The following LRIG1 variants were observed in gnomAD, a reference collection of about 807,000 sequenced individuals.
LRIG1 encodes leucine rich repeats and immunoglobulin like domains 1.
LRIG1 carries 48 observed loss-of-function variants against 99.2 expected under a neutral mutation model. The ratio of observed to expected loss-of-function variants is 0.48; its 90% confidence interval spans 0.38 to 0.62. The LOEUF (loss-of-function observed/expected upper bound fraction) is 0.62, where lower values mean the gene tolerates loss of function less well. Ranked by LOEUF, LRIG1 falls within the 20% of genes least tolerant of loss-of-function variation. LRIG1 has a pLI of 0.00. For synonymous variants in LRIG1, 772 were observed against 596.1 expected, an observed-to-expected ratio of 1.29 and a Z score of -4.30; for missense variants, 1,646 against 1,434.4, an observed-to-expected ratio of 1.15 and a Z score of -2.38.
At chr3:66,406,101 C>A in intron 8 of LRIG1, 1 of 985,630 alleles carries the variant, frequency 1.0e-6, no homozygotes, top group Non-Finnish European at 1.2e-6. Context: ...GAACTCTTGT[C>A]TCCTGTGAGA....
intron 3 of LRIG1, among the ~76,000 whole-genome samples, chr3:66,443,033 C>T (rs571127819): frequency 6.6e-6 from 1 of 152,296 alleles, no homozygotes; most frequent in Admixed American, 6.5e-5. Flanking sequence ...ATTTGGCAGG[C>T]TGGCTGCGGA....
intron 5 of LRIG1, among the ~76,000 whole-genome samples, chr3:66,413,777 C>T (rs992362067): frequency 1.3e-5 from 2 of 152,196 alleles, no homozygotes; most frequent in African/African-American, 4.8e-5. Flanking sequence ...CTGAGACCTT[C>T]TCCACAGACT....
At position 66,451,637 on chromosome 3, in the gene LRIG1, T is replaced by C. The variant is rs1462630323; in HGVS notation, c.291-4A>G. 2 of 1,609,714 alleles carry C rather than the reference T, an allele frequency of 1.2e-6. No individual in the cohort carries two copies. Among genetic ancestry groups the C allele is most frequent in the South Asian group, 1.1e-5 (1 of 90,934 alleles). ...CAACTCATTATTATTGAGGTACCTG[T>C]AACAACAACAAGAAATTAATCATGT... On this transcript the variant is annotated splice_region_variant and splice_polypyrimidine_tract_variant and intron_variant, in intron 2 of 18. Coordinates refer to ENST00000273261, the MANE Select transcript of LRIG1 (RefSeq NM_015541.3).
chr3:66,382,125 T>C, intron 16 of LRIG1, 148 bp downstream of exon 16: 2 of 868,182 alleles, frequency 2.3e-6, no homozygotes, highest in Non-Finnish European at 3.6e-6. Flanking sequence ...GGGTCCAAAA[T>C]AGCAGCCCTT....
intron 1 of LRIG1, among the ~76,000 whole-genome samples, chr3:66,491,494 T>C (rs1323163908): frequency 6.6e-6 from 1 of 152,114 alleles, no homozygotes; most frequent in African/African-American, 2.4e-5. Flanking sequence ...TTTGAGAACA[T>C]ATAAACTAGG....
In LRIG1 at chr3:66,457,146, T is replaced by A. The variant is rs533293370; in HGVS notation, c.290+5292A>T. On this transcript the variant is annotated intron_variant, in intron 2 of 18. Coordinates refer to ENST00000273261, the MANE Select transcript of LRIG1 (RefSeq NM_015541.3). ...TGCCAGCCTGTGGCTCCATTCTCAA[T>A]GAGGGCTCCAGACTGAAGGCTCTAT... 3.9e-5 allele frequency among the ~76,000 whole-genome samples: 6 copies of A among 152,278 alleles called. No individual in the cohort carries two copies. In the South Asian group the frequency reaches 8.3e-4, roughly 21 times the overall value.
intron 17 of LRIG1, among the ~76,000 whole-genome samples, chr3:66,381,242 T>G (rs776756804): frequency 1.4e-4 from 22 of 152,208 alleles, no homozygotes; most frequent in Non-Finnish European, 2.5e-4. Flanking sequence ...TGCCCCTTAT[T>G]TAAGTTGCTT....
Position 66,379,692 on chromosome 3 carries a change from G to A in LRIG1, c.*571C>T, listed in dbSNP as rs1476883710. 6.6e-6 allele frequency: 1 copy of A among 152,270 alleles called. No individual in the cohort carries two copies. The highest frequency in any genetic ancestry group is 2.4e-5 in the African/African-American group (1 of 41,450). The allele number at this position is 152,270 out of a possible 1,614,324, so 9.4% of individuals were successfully genotyped here. On this transcript the variant is annotated 3_prime_UTR_variant, in exon 19 of 19. Transcript: ENST00000273261. ...CACCCCTGGCTCTACAGACAGGGAAGCCTGTTGCAGGGGCATCCACACATG... is the reference window on the plus strand; with the variant it reads ...CACCCCTGGCTCTACAGACAGGGAAACCTGTTGCAGGGGCATCCACACATG...
intron 3 of LRIG1, among the ~76,000 whole-genome samples, chr3:66,438,821 G>C (rs1477677840): frequency 1.3e-5 from 2 of 152,230 alleles, no homozygotes; most frequent in African/African-American, 4.8e-5. Flanking sequence ...AGGCCACCTG[G>C]TCCTCACCAC....
chr3:66,448,735 C>T (rs1454878867), intron 3 of LRIG1, among the ~76,000 whole-genome samples: 1 of 152,112 alleles, frequency 6.6e-6, no homozygotes, highest in Non-Finnish European at 1.5e-5. Flanking sequence ...CAGACATTTG[C>T]TCTATTCTCT....
At chr3:66,410,567 T>C (rs1440621521) in intron 6 of LRIG1, among the ~76,000 whole-genome samples, 1 of 152,114 alleles carries the variant, frequency 6.6e-6, no homozygotes, top group Non-Finnish European at 1.5e-5. Flanking sequence ...CAGGGCTGGG[T>C]GTGGCGGCTT....
intron 15 of LRIG1, 95 bp downstream of exon 15, chr3:66,382,887 C>T (rs570777821): frequency 1.0e-4 from 117 of 1,143,608 alleles, no homozygotes; most frequent in Non-Finnish European, 1.2e-4. Context: ...GAACACAGTG[C>T]AATTCTTTCA....
chr3:66,384,969 C>G (rs1701297709), intron 13 of LRIG1, among the ~76,000 whole-genome samples: 1 of 152,268 alleles, frequency 6.6e-6, no homozygotes, highest in South Asian at 2.1e-4. Context: ...CAAGACAACC[C>G]CACTACAGTG....
chr3:66,436,423 C>T (rs1400337196), intron 3 of LRIG1, among the ~76,000 whole-genome samples: 1 of 152,200 alleles, frequency 6.6e-6, no homozygotes, highest in African/African-American at 2.4e-5. Context: ...GAGATGATAA[C>T]AACACCTTTC....
chr3:66,492,307 A>G (rs924169104), intron 1 of LRIG1, among the ~76,000 whole-genome samples: 1 of 152,242 alleles, frequency 6.6e-6, no homozygotes, highest in East Asian at 1.9e-4. Context: ...CAAGATAAGC[A>G]GTAAAATATT....
chr3:66,460,903 A>C (rs1351130246), intron 2 of LRIG1, among the ~76,000 whole-genome samples: 3 of 152,234 alleles, frequency 2.0e-5, no homozygotes, highest in Non-Finnish European at 4.4e-5. Flanking sequence ...AGAAATTATA[A>C]ACGCCAATCT....
chr3:66,407,894 C>T (rs770214580), intron 7 of LRIG1, among the ~76,000 whole-genome samples: 6 of 152,184 alleles, frequency 3.9e-5, no homozygotes, highest in African/African-American at 9.7e-5. Flanking sequence ...GAGATGACCC[C>T]GCAGCAAGCC....
intron 1 of LRIG1, among the ~76,000 whole-genome samples, chr3:66,467,802 ATATATC>A (rs1244822118): frequency 6.6e-6 from 1 of 152,248 alleles, no homozygotes; most frequent in Non-Finnish European, 1.5e-5. Context: ...TAACCAACGA[ATATATC>A]TATATCATGA....
At chr3:66,387,941 CA>C (rs35658477) in intron 12 of LRIG1, 147 of 117,150 alleles carry the variant, frequency 1.3e-3, no homozygotes, top group South Asian at 2.4e-3. Flanking sequence ...ACTAAAAATA[CA>C]AAAAAAAAAA....
Sources: gnomAD v4.1 joint callset for allele counts (sites outside exome capture counted in the v4.1 genomes callset) on GRCh38, gnomAD v4.1.1 for gene constraint, MANE v1.5 for transcripts, NCBI Gene and HGNC (gene_info 2026-07-23, HGNC 2026-07-21) for gene names.